Variants in BCL3 observed in about 807,000 individuals in gnomAD.
BCL3 encodes B-cell lymphoma 3 protein.
BCL3 carries 15 observed loss-of-function variants against 35.7 expected under a neutral mutation model. The ratio of observed to expected loss-of-function variants is 0.42; its 90% CI spans 0.28 to 0.65. BCL3 has a LOEUF of 0.65. BCL3 is among the 30% of genes least tolerant of loss of function. The pLI is 0.22. For missense variants in BCL3, 565 were observed against 641.7 expected (o/e 0.88, Z 1.29); for synonymous variants, 311 against 284.3 (o/e 1.09, Z -0.95).
chr19:44,759,497 T>C lies in BCL3; in HGVS notation c.1247T>C (p.Met416Thr), dbSNP rs150051050. The C allele has an allele frequency of 5.9e-5, 95 of 1,612,406 alleles. No individual in the cohort carries two copies. The African/African-American group carries it at 1.2e-3, about 20-fold the overall frequency. ...CCCAGGGACCCCCCTGGATTCCCCA[T>C]GGCTCCTCCCAATTTCTTCCTTCCT... ...SPPRDPPGFP[M>T]APPNFFLPSP... The change falls in exon 9 of 9, where the codon ATG (methionine) becomes ACG (threonine). Residue 416 changes from methionine to threonine, a missense_variant. By Grantham distance (81) the Met-to-Thr change is moderately conservative. Transcript: ENST00000164227.
intron 2 of BCL3, among the ~76,000 whole-genome samples, chr19:44,753,934 A>T (rs1226967185): frequency 6.6e-6 from 1 of 151,854 alleles, no homozygotes; most frequent in Non-Finnish European, 1.5e-5. Flanking sequence ...GGGACCTGGC[A>T]CTCAGAGGGG....
intron 1 of BCL3, 115 bp downstream of exon 1, chr19:44,749,161 C>G (rs1371869955): frequency 1.7e-5 from 7 of 414,024 alleles, no homozygotes; most frequent in Non-Finnish European, 1.9e-5. Context: ...ACCTGGGGGA[C>G]AAGAGGATAT....
rs745464109 is a variant in BCL3 at position 44,756,328 on chromosome 19, C to T, written c.507C>T (p.Asn169=). The change falls in exon 3 of 9, where the codon AAC becomes AAT. Residue 169 remains asparagine, a synonymous_variant. Coordinates refer to ENST00000164227, the MANE Select transcript of BCL3 (RefSeq NM_005178.5). ...QQGGRELDIY[N]NLRQTPLHLA... is the part of the protein sequence containing the mutation. ...GGGGCCGGGAGCTCGACATCTACAA[C>T]AACCTACGGCAGGTGAGGCTCGGTC... is the stretch of plus-strand genomic sequence containing the variant. 6.6e-7 allele frequency: 1 copy of T among 1,512,800 alleles called. No individual in the cohort carries two copies. Among genetic ancestry groups the T allele is most frequent in the South Asian group, 1.3e-5 (1 of 77,310 alleles). 93.7% of individuals were successfully genotyped at this position (1,512,800 alleles called of 1,614,324 possible). A position where few individuals can be genotyped will look rare whatever the true frequency, so the allele number is the denominator to read the frequency against.
chr19:44,757,798 C>T lies in BCL3; in HGVS notation c.891+75C>T. The T allele has an allele frequency of 7.1e-7, 1 of 1,415,352 alleles. No homozygotes were observed. The highest frequency in any genetic ancestry group is 9.9e-7 in the Non-Finnish European group (1 of 1,011,044). 87.7% of individuals were successfully genotyped at this position (1,415,352 alleles called of 1,614,324 possible). ...ACCCGGCTCTGGCCTCAGCCCCTAG[C>T]TCTGACCCCGCCTTCCACTTCTGGC... On this transcript the variant is annotated intron_variant, in intron 6 of 8. Transcript: ENST00000164227. This position sits in a 1 kb window ranked among gnomAD's most constrained non-coding sequence, Gnocchi z 8.4.
chr19:44,756,278 C>T lies in BCL3; in HGVS notation c.457C>T (p.Arg153Trp), dbSNP rs767960519. Residue 153 changes from arginine (R) to tryptophan (W), a missense_variant, in exon 3 of 9, where the codon CGG becomes TGG. Arg to Trp is a moderately radical substitution (Grantham distance 101). Around this residue, in one of 5 missense-constraint regions of BCL3, gnomAD observed 267 missense variants for 281.5 expected, o/e 0.95. Transcript: ENST00000164227. Reference protein sequence around the residue: ...VVQGNLPAVHRLVNLFQQGGR... With the variant: ...VVQGNLPAVHWLVNLFQQGGR... The stretch of plus-strand genomic sequence containing the variant: ...GCAGGGTAACCTGCCAGCTGTGCAC[C>T]GGCTGGTCAACCTCTTCCAGCAGGG... 6.4e-6 allele frequency: 10 copies of T among 1,556,338 alleles called. No individual in the cohort carries two copies. Among genetic ancestry groups the T allele is most frequent in the African/African-American group, 1.4e-5 (1 of 72,488 alleles).
Position 44,758,249 on chromosome 19 carries a change from G to A in BCL3, c.895G>A (p.Gly299Ser). 3.4e-6 allele frequency: 5 copies of A among 1,483,370 alleles called. No individual in the cohort carries two copies. The highest frequency in any genetic ancestry group is 4.4e-6 in the Non-Finnish European group (5 of 1,126,144). The allele number at this position is 1,483,370 out of a possible 1,614,324, so 91.9% of individuals were successfully genotyped here. Residue 299 changes from glycine (G) to serine (S), a missense_variant, in exon 7 of 9, where the codon GGC (glycine) becomes AGC (serine). This residue lies in a region of BCL3 where 39 missense variants were observed against 88.1 expected (regional missense o/e 0.44). Transcript: ENST00000164227. ...ACCCGGCCCTCCCGTCCCGCAGCAC[G>A]GCGCCAACGTGAACGCGCAAATGTA... ...LSMVQLLLQHGANVNAQMYSG... is the reference protein window; with the variant it reads ...LSMVQLLLQHSANVNAQMYSG...
chr19:44,755,352 A>C (rs768105835), intron 2 of BCL3: 1 of 152,272 alleles, frequency 6.6e-6, no homozygotes, highest in Non-Finnish European at 1.5e-5. Flanking sequence ...GGCCTTCAGC[A>C]TTGGGGTCAG....
chr19:44,758,876 C>T, intron 8 of BCL3, 35 bp downstream of exon 8: 1 of 1,509,588 alleles, frequency 6.6e-7, no homozygotes. Context: ...GCCCTGGCGC[C>T]TCCTCCCTCA....
At chr19:44,758,697 T>G in intron 7 of BCL3, 27 bp from the exon 8 acceptor site, 2 of 1,555,280 alleles carry the variant, frequency 1.3e-6, no homozygotes, top group Non-Finnish European at 8.7e-7. Flanking sequence ...CATGGGTGGC[T>G]CTATGGTCAC....
chr19:44,747,835 T>C (rs1285764680), upstream of BCL3: 3 of 1,134,526 alleles, frequency 2.6e-6, no homozygotes, highest in African/African-American at 1.6e-5. Flanking sequence ...TCTGTGCACC[T>C]AGGATTTTCC....
At chr19:44,756,586 G>A (rs539717587) in intron 3 of BCL3, among the ~76,000 whole-genome samples, 1 of 140,970 alleles carries the variant, frequency 7.1e-6, no homozygotes, top group Admixed American at 6.8e-5. Context: ...GAGGGCTGGG[G>A]ATCTGGACTC....
At chr19:44,758,455 G>A in intron 7 of BCL3, 42 bp downstream of exon 7, 1 of 1,516,874 alleles carries the variant, frequency 6.6e-7, no homozygotes, top group Non-Finnish European at 8.9e-7. Context: ...GCACACGTGT[G>A]TCCGCGGGCT....
chr19:44,750,159 A>T (rs1216816221), intron 1 of BCL3, among the ~76,000 whole-genome samples: 1 of 152,164 alleles, frequency 6.6e-6, no homozygotes, highest in Non-Finnish European at 1.5e-5. Context: ...GCCTCAAGCT[A>T]TGTGCATCAG....
rs1967310056 is a variant in BCL3 at position 44,757,257 on chromosome 19, A to G, written c.724+36A>G. ...ACCGCGGGGCACCGCTGGGCTGTCCAGCGGACCTGGAGTCCATCAGCGGCC... is the reference window on the plus strand; with the variant it reads ...ACCGCGGGGCACCGCTGGGCTGTCCGGCGGACCTGGAGTCCATCAGCGGCC... On this transcript the variant is annotated intron_variant, in intron 4 of 8. Transcript: ENST00000164227. This position sits in a 1 kb window ranked among gnomAD's most constrained non-coding sequence, Gnocchi z 8.4. 1.3e-6 allele frequency: 2 copies of G among 1,554,748 alleles called. No homozygotes were observed. Among genetic ancestry groups the G allele is most frequent in the Admixed American group, 3.8e-5 (2 of 52,358 alleles).
chr19:44,758,322 C>A lies in BCL3; in HGVS notation c.968C>A (p.Pro323Gln). Residue 323 changes from proline (P) to glutamine (Q), a missense_variant, in exon 7 of 9, where the codon CCG becomes CAG. This residue lies in a region of BCL3 where 39 missense variants were observed against 88.1 expected (regional missense o/e 0.44). Coordinates refer to ENST00000164227, the MANE Select transcript of BCL3 (RefSeq NM_005178.5). ...TCAGCGTCCGGCCGCGGGCTCCTCC[C>A]GCTGGTGCGCACGCTGGTCCGCAGC... ...LHSASGRGLL[P>Q]LVRTLVRSGA... The A allele has an allele frequency of 6.4e-7, 1 of 1,573,302 alleles. No individual in the cohort carries two copies. Among genetic ancestry groups the A allele is most frequent in the African/African-American group, 1.3e-5 (1 of 74,276 alleles).
Position 44,758,668 on chromosome 19 carries a change from G to A in BCL3, c.1060-56G>A, listed in dbSNP as rs746875246. ...CTGGATCCAGTGAGCTAGGAGGGAT[G>A]GGAGAGAGGACTGTGAGGCATGGGT... On this transcript the variant is annotated intron_variant, in intron 7 of 8. Transcript: ENST00000164227. 6 of 1,448,876 alleles carry A rather than the reference G, an allele frequency of 4.1e-6. No individual in the cohort carries two copies. In the African/African-American group the frequency reaches 5.6e-5, roughly 14 times the overall value. The allele number at this position is 1,448,876 out of a possible 1,614,324, so 89.8% of individuals were successfully genotyped here. A position where few individuals can be genotyped will look rare whatever the true frequency, so the allele number is the denominator to read the frequency against.
chr19:44,756,918 G>A (rs546578138), intron 3 of BCL3, 99 bp from the exon 4 acceptor site: 1 of 1,171,326 alleles, frequency 8.5e-7, no homozygotes, highest in African/African-American at 1.5e-5. Flanking sequence ...TGTTCCTGGG[G>A]AAGACTGCAG....
chr19:44,747,978 C>A, upstream of BCL3: 1 of 1,315,604 alleles, frequency 7.6e-7, no homozygotes, highest in South Asian at 1.3e-5. Flanking sequence ...TGATGAGGCA[C>A]GTGGAGTGGC....
Position 44,756,246 on chromosome 19 carries a change from C to T in BCL3, c.425C>T (p.Ala142Val). 6.5e-7 allele frequency: 1 copy of T among 1,527,850 alleles called. No homozygotes were observed. The allele number at this position is 1,527,850 out of a possible 1,614,324, so 94.6% of individuals were successfully genotyped here. Residue 142 changes from alanine (A) to valine (V), a missense_variant, in exon 3 of 9, where the codon GCT becomes GTT. Coordinates refer to ENST00000164227, the MANE Select transcript of BCL3 (RefSeq NM_005178.5). ...DEDGDTPLHI[A>V]VVQGNLPAVH... ...CCCACCCCCAGGCCTCTCCATATTG[C>T]TGTGGTGCAGGGTAACCTGCCAGCT... is the stretch of plus-strand genomic sequence containing the variant.
Sources: allele counts gnomAD v4.1 joint callset (sites outside exome capture counted in the v4.1 genomes callset), GRCh38; gene constraint gnomAD v4.1.1; regional missense constraint gnomAD v4.1.1; non-coding constraint Gnocchi (gnomAD v3.1); transcripts MANE v1.5; gene names NCBI Gene and HGNC (gene_info 2026-07-23, HGNC 2026-07-21).